The following CNOT6L variants were observed in gnomAD, a reference collection of about 807,000 sequenced individuals.
CNOT6L encodes CCR4-NOT transcription complex subunit 6-like.
A neutral mutation model predicts 64.0 loss-of-function variants in CNOT6L; 7 were observed. The observed-to-expected ratio is 0.11, with a 90% confidence interval of 0.06 to 0.21. The LOEUF (loss-of-function observed/expected upper bound fraction) is 0.21. Ranked by LOEUF, CNOT6L falls within the 10% of genes least tolerant of loss-of-function variation. CNOT6L has a pLI of 1.00. For synonymous variants in CNOT6L, 193 were observed against 243.4 expected, an observed-to-expected ratio of 0.79 and a Z score of 1.93; for missense variants, 245 against 669.0, an observed-to-expected ratio of 0.37 and a Z score of 6.99.
chr4:77,756,986 T>G (rs1482017242), intron 4 of CNOT6L, 35 bp from the exon 5 acceptor site: 1 of 1,142,130 alleles, frequency 8.8e-7, no homozygotes, highest in Non-Finnish European at 1.3e-6. Context: ...CCTTTAAAAC[T>G]TATAACTGCA....
chr4:77,797,102 C>CAA (rs386400560), intron 1 of CNOT6L, among the ~76,000 whole-genome samples: 1,610 of 52,950 alleles, frequency 0.03, 310 homozygotes, highest in African/African-American at 0.12. Context: ...GACCTTGTCT[C>CAA]AAAAAAAAAA....
Position 77,726,164 on chromosome 4 carries a change from C to A in CNOT6L, c.1455+3G>T. 6.2e-7 allele frequency: 1 copy of A among 1,613,106 alleles called. No individual in the cohort carries two copies. Among genetic ancestry groups the A allele is most frequent in the South Asian group, 1.1e-5 (1 of 91,062 alleles). On this transcript the variant is annotated splice_donor_region_variant and intron_variant, in intron 11 of 11. Coordinates refer to ENST00000504123, the MANE Select transcript of CNOT6L (RefSeq NM_144571.3). Reference sequence around the variant, plus strand: ...CTACACCTGCCCAAAGGCTGCCACTCACTTTGAAATCAAAGGTGTAATTGG... The same window carrying A: ...CTACACCTGCCCAAAGGCTGCCACTAACTTTGAAATCAAAGGTGTAATTGG...
At chr4:77,773,387 T>C (rs1389760572) in intron 3 of CNOT6L, among the ~76,000 whole-genome samples, 1 of 152,162 alleles carries the variant, frequency 6.6e-6, no homozygotes, top group Non-Finnish European at 1.5e-5. Context: ...ATTTACTCAT[T>C]TGCTAGCTCA....
intron 4 of CNOT6L, among the ~76,000 whole-genome samples, chr4:77,771,951 A>G (rs1482757327): frequency 6.6e-6 from 1 of 152,234 alleles, no homozygotes; most frequent in Non-Finnish European, 1.5e-5. Flanking sequence ...ATTAATTCAT[A>G]AATAAACTCT....
At chr4:77,732,270 G>C (rs1001537409) in intron 8 of CNOT6L, among the ~76,000 whole-genome samples, 1 of 152,172 alleles carries the variant, frequency 6.6e-6, no homozygotes, top group South Asian at 2.1e-4. Flanking sequence ...GCATTGTAGA[G>C]TTGTAGGATT....
chr4:77,749,417 A>C (rs1724600946), intron 5 of CNOT6L, among the ~76,000 whole-genome samples: 1 of 152,226 alleles, frequency 6.6e-6, no homozygotes, highest in Non-Finnish European at 1.5e-5. Flanking sequence ...CTCAAAAATG[A>C]AAAATCTAAT....
At chr4:77,737,932 GC>G (rs1474473769) in intron 8 of CNOT6L, among the ~76,000 whole-genome samples, 1 of 152,070 alleles carries the variant, frequency 6.6e-6, no homozygotes, top group East Asian at 1.9e-4. Flanking sequence ...AATTCTAAAT[GC>G]AACAACCACC....
chr4:77,735,515 G>A (rs186047514), intron 8 of CNOT6L, among the ~76,000 whole-genome samples: 7 of 152,140 alleles, frequency 4.6e-5, no homozygotes, highest in African/African-American at 1.7e-4. Context: ...CCACACTTCC[G>A]TAAGATCTTT....
intron 11 of CNOT6L, among the ~76,000 whole-genome samples, chr4:77,720,952 C>T (rs1721211226): frequency 6.6e-6 from 1 of 152,120 alleles, no homozygotes; most frequent in African/African-American, 2.4e-5. Context: ...TGAAATCCAA[C>T]ATATCAGTAT....
intron 1 of CNOT6L, among the ~76,000 whole-genome samples, chr4:77,806,180 C>T (rs891823462): frequency 6.6e-6 from 1 of 152,170 alleles, no homozygotes; most frequent in South Asian, 2.1e-4. Flanking sequence ...AATCCCAGCA[C>T]TTTGGGAGGC....
At chr4:77,780,117 G>A (rs1011210860) in intron 1 of CNOT6L, among the ~76,000 whole-genome samples, 2 of 152,092 alleles carry the variant, frequency 1.3e-5, no homozygotes, top group Non-Finnish European at 2.9e-5. Flanking sequence ...TTAAAATTAT[G>A]AAATAAATTA....
intron 9 of CNOT6L, among the ~76,000 whole-genome samples, chr4:77,730,523 G>GA (rs1048450114): frequency 6.6e-6 from 1 of 151,378 alleles, no homozygotes; most frequent in Non-Finnish European, 1.5e-5. Flanking sequence ...CACAATATCA[G>GA]AAAAAAAAGT....
chr4:77,805,835 G>A (rs544583299), intron 1 of CNOT6L, among the ~76,000 whole-genome samples: 1 of 152,290 alleles, frequency 6.6e-6, no homozygotes, highest in African/African-American at 2.4e-5. Flanking sequence ...ATTAGCAACA[G>A]GAAGGGAAAC....
intron 1 of CNOT6L, among the ~76,000 whole-genome samples, chr4:77,780,558 T>C (rs1256412729): frequency 6.6e-6 from 1 of 152,198 alleles, no homozygotes; most frequent in Non-Finnish European, 1.5e-5. Flanking sequence ...TCACTCTTTA[T>C]TTCTTAGCGT....
chr4:77,735,164 G>C (rs1272530042), intron 8 of CNOT6L, among the ~76,000 whole-genome samples: 1 of 152,120 alleles, frequency 6.6e-6, no homozygotes, highest in Non-Finnish European at 1.5e-5. Flanking sequence ...ACTCTCACAG[G>C]CCATATAAGC....
chr4:77,714,563 CTCTG>C lies in CNOT6L; in HGVS notation c.*5864_*5867del, dbSNP rs1332604768. 1.3e-5 allele frequency: 2 copies of C among 150,290 alleles called. No homozygotes were observed. The highest frequency in any genetic ancestry group is 4.9e-5 in the African/African-American group (2 of 40,636). 9.3% of individuals were successfully genotyped at this position (150,290 alleles called of 1,614,324 possible). The stretch of plus-strand genomic sequence containing the variant: ...AAATATTCCAAGTAGTTCTATTGAA[CTCTG>C]TATCTCAGCTTCTCCAAGATGAAAA... On this transcript the variant is annotated 3_prime_UTR_variant, in exon 12 of 12. Transcript: ENST00000504123.
At chr4:77,779,539 C>A (rs1728606857) in intron 1 of CNOT6L, among the ~76,000 whole-genome samples, 1 of 151,608 alleles carries the variant, frequency 6.6e-6, no homozygotes, top group South Asian at 2.1e-4. Context: ...ATTATGAAAT[C>A]TCTTCCTTAA....
chr4:77,793,025 C>G (rs768465671), intron 1 of CNOT6L, among the ~76,000 whole-genome samples: 1 of 151,378 alleles, frequency 6.6e-6, no homozygotes, highest in Non-Finnish European at 1.5e-5. Context: ...GCCCCCACAA[C>G]AAGAAATATC....
chr4:77,746,367 C>T (rs1249372902), intron 6 of CNOT6L, among the ~76,000 whole-genome samples: 1 of 152,076 alleles, frequency 6.6e-6, no homozygotes, highest in Non-Finnish European at 1.5e-5. Context: ...GCTTGATTTC[C>T]ATATAGTTTA....
Sources: gnomAD v4.1 joint callset for allele counts (sites outside exome capture counted in the v4.1 genomes callset) on GRCh38, gnomAD v4.1.1 for gene constraint, MANE v1.5 for transcripts, NCBI Gene and HGNC (gene_info 2026-07-23, HGNC 2026-07-21) for gene names.